The following AP4M1 variants were observed in gnomAD, a reference collection of about 807,000 sequenced individuals.
The protein encoded by AP4M1 is adaptor related protein complex 4 subunit mu 1.
In AP4M1, 58 loss-of-function variants were observed where a neutral mutation model predicts 62.4. That is an observed-to-expected ratio of 0.93 (90% CI 0.75 to 1.16). AP4M1 has a LOEUF of 1.16. AP4M1 is among the 50% of genes most tolerant of loss of function. The pLI, the probability that AP4M1 is intolerant of heterozygous loss-of-function variation, is 0.00. For synonymous variants in AP4M1, 290 were observed against 239.7 expected (o/e 1.21, Z -1.94); for missense variants, 626 against 585.4 (o/e 1.07, Z -0.72).
At chr7:100,106,145 G>A (rs1392776566) in intron 12 of AP4M1, 96 bp from the exon 13 acceptor site, 7 of 1,551,616 alleles carry the variant, frequency 4.5e-6, no homozygotes, top group Non-Finnish European at 5.3e-6. Flanking sequence ...GGAAGGTGGG[G>A]GGCACCTGTG....
rs766556536 is a variant in AP4M1 at position 100,108,509 on chromosome 7, C to T, written c.*1627C>T. ...GGCGTCCTGATTGTCAGGCGGTGGG[C>T]GCAGCTTTGCCAGAACAGGAGCACA... On this transcript the variant is annotated 3_prime_UTR_variant, in exon 15 of 15. Transcript: ENST00000359593. 4.2e-5 allele frequency: 67 copies of T among 1,612,404 alleles called. 1 individual carries two copies. In the South Asian group the frequency reaches 5.7e-4, roughly 14 times the overall value.
At chr7:100,101,391 C>T (rs1796021589), upstream of AP4M1, 4 of 1,541,744 alleles carry the variant, frequency 2.6e-6, no homozygotes, top group African/African-American at 1.4e-5. Flanking sequence ...GCCGGCCAAC[C>T]GAAATTGGCG....
Position 100,108,168 on chromosome 7 carries a change from A to T in AP4M1, c.*1286A>T, listed in dbSNP as rs1384792500. The T allele has an allele frequency of 6.4e-7, 1 of 1,550,480 alleles. No homozygotes were observed. The highest frequency in any genetic ancestry group is 8.7e-7 in the Non-Finnish European group (1 of 1,150,900). Reference sequence around the variant, plus strand: ...GGGGGAAGTGGCACCATCTACTAAGAAGAGGAGTCTGAAGGGAGAGGCCTG... The same window carrying T: ...GGGGGAAGTGGCACCATCTACTAAGTAGAGGAGTCTGAAGGGAGAGGCCTG... On this transcript the variant is annotated 3_prime_UTR_variant, in exon 15 of 15. Coordinates refer to ENST00000359593, the MANE Select transcript of AP4M1 (RefSeq NM_004722.4).
chr7:100,106,164 C>T, intron 12 of AP4M1, 77 bp from the exon 13 acceptor site: 1 of 1,581,958 alleles, frequency 6.3e-7, no homozygotes, highest in Admixed American at 1.7e-5. Context: ...TGCTGAAATC[C>T]TGTTATGACA....
rs1427960062 is a variant in AP4M1, at chr7:100,102,727, T to C, written c.200T>C (p.Val67Ala). 2 of 1,614,124 alleles carry C rather than the reference T, an allele frequency of 1.2e-6. No individual in the cohort carries two copies. Among genetic ancestry groups the C allele is most frequent in the African/African-American group, 1.3e-5 (1 of 75,006 alleles). Reference protein sequence around the residue: ...IHIRHSGLYLVVTTSENVSPF... With the variant: ...IHIRHSGLYLAVTTSENVSPF... ...ATCAGACACAGCGGCCTCTATTTGG[T>C]GGTCACAACTTCAGAAAACGTTTCT... The change falls in exon 3 of 15, where the codon GTG (valine) becomes GCG (alanine). Residue 67 changes from valine (V) to alanine (A), a missense_variant. Val to Ala is a moderately conservative substitution (Grantham distance 64, BLOSUM62 0). Coordinates refer to ENST00000359593, the MANE Select transcript of AP4M1 (RefSeq NM_004722.4).
In AP4M1 at chr7:100,107,432, C is replaced by A; in HGVS notation, c.*550C>A. 6.2e-7 allele frequency: 1 copy of A among 1,611,036 alleles called. No homozygotes were observed. Among genetic ancestry groups the A allele is most frequent in the Non-Finnish European group, 8.5e-7 (1 of 1,177,880 alleles). On this transcript the variant is annotated 3_prime_UTR_variant, in exon 15 of 15. Transcript: ENST00000359593. ...GATGGGAGGTGGGGCCTCCTTTGCC[C>A]TCCCCTGTTGGGGGAAGTGAGACCA...
intron 10 of AP4M1, 30 bp from the exon 11 acceptor site, chr7:100,105,415 A>G: frequency 6.2e-7 from 1 of 1,613,284 alleles, no homozygotes; most frequent in Non-Finnish European, 8.5e-7. Flanking sequence ...CGTGAGACCA[A>G]ACTAACCTTG....
In AP4M1 at chr7:100,107,159, C is replaced by A. The variant is rs1796586472; in HGVS notation, c.*277C>A. The A allele has an allele frequency of 1.3e-6, 2 of 1,495,470 alleles. No individual in the cohort carries two copies. Among genetic ancestry groups the A allele is most frequent in the Non-Finnish European group, 1.8e-6 (2 of 1,120,964 alleles). 92.6% of individuals were successfully genotyped at this position (1,495,470 alleles called of 1,614,324 possible). On this transcript the variant is annotated 3_prime_UTR_variant, in exon 15 of 15. Transcript: ENST00000359593. ...ACATGAAGGAAGCAATCTACAACTT[C>A]CTTCCGCTTAGCGAGCATGCATGTG...
chr7:100,103,827 A>T, intron 6 of AP4M1, 135 bp downstream of exon 6: 1 of 842,602 alleles, frequency 1.2e-6, no homozygotes, highest in Non-Finnish European at 1.9e-6. Context: ...AGATCACCTG[A>T]TGCCAGGAGT....
rs1450171617 is a variant in AP4M1 at position 100,107,861 on chromosome 7, C to T, written c.*979C>T. 3.3e-6 allele frequency: 5 copies of T among 1,532,448 alleles called. No homozygotes were observed. Among genetic ancestry groups the T allele is most frequent in the Non-Finnish European group, 4.4e-6 (5 of 1,134,390 alleles). The allele number at this position is 1,532,448 out of a possible 1,614,324, so 94.9% of individuals were successfully genotyped here. ...AGGGGACTGTGCTCTACTCCTGGGC[C>T]TCCCCAGGGTGCTCTGAGGTAACCC... On this transcript the variant is annotated 3_prime_UTR_variant, in exon 15 of 15. Coordinates refer to ENST00000359593, the MANE Select transcript of AP4M1 (RefSeq NM_004722.4).
chr7:100,101,881 C>G lies in AP4M1; in HGVS notation c.60C>G (p.Phe20Leu), dbSNP rs765096117. 2 of 1,613,378 alleles carry G rather than the reference C, an allele frequency of 1.2e-6. No homozygotes were observed. Among genetic ancestry groups the G allele is most frequent in the Non-Finnish European group, 1.7e-6 (2 of 1,179,966 alleles). ...TCACTGAGTCCTTCCACCCGCCAGTCCGCGGGGACAGTGGCGGCCGGGATG... is the reference window on the plus strand; with the variant it reads ...TCACTGAGTCCTTCCACCCGCCAGTGCGCGGGGACAGTGGCGGCCGGGATG... Reference protein sequence around the residue: ...SKGDPLIYKDFRGDSGGRDVA... With the variant: ...SKGDPLIYKDLRGDSGGRDVA... The change falls in exon 2 of 15, where the codon TTC becomes TTG. Residue 20 changes from phenylalanine (F) to leucine (L), a missense_variant and splice_region_variant. By Grantham distance (22) the Phe-to-Leu change is conservative. Transcript: ENST00000359593.
At chr7:100,104,218 G>C (rs1796288153) in intron 7 of AP4M1, 64 bp downstream of exon 7, 1 of 1,440,846 alleles carries the variant, frequency 6.9e-7, no homozygotes, top group Non-Finnish European at 9.8e-7. Flanking sequence ...TGGTGGGGTG[G>C]CTAAGACTCC....
chr7:100,103,887 C>CAAA lies in AP4M1; in HGVS notation c.544-188_544-186dup, dbSNP rs10671291. 4.5e-3 allele frequency among the ~76,000 whole-genome samples: 414 copies of CAAA among 91,936 alleles called. 4 individuals carry two copies. Among genetic ancestry groups the CAAA allele is most frequent in the South Asian group, 0.023 (63 of 2,692 alleles). The allele number at this position is 91,936 out of a possible 152,430, so 60.3% of individuals were successfully genotyped here. Reference sequence around the variant, plus strand: ...TGAAAACCTGTCTCTACTAAAAATGCAAAAAAAAAAAAAAAAAAAGAAAAA... The same window carrying CAAA: ...TGAAAACCTGTCTCTACTAAAAATGCAAAAAAAAAAAAAAAAAAAAAAGAAAAA... On this transcript the variant is annotated intron_variant, in intron 6 of 14. Transcript: ENST00000359593.
At chr7:100,104,021 TCTCC>T (rs1324918702) in intron 6 of AP4M1, 67 bp from the exon 7 acceptor site, 6 of 1,392,956 alleles carry the variant, frequency 4.3e-6, no homozygotes, top group African/African-American at 1.4e-5. Flanking sequence ...TCCTGTTCTT[TCTCC>T]CTGTCTGTCC....
At chr7:100,102,533 C>A (rs1248227398) in intron 2 of AP4M1, 142 bp from the exon 3 acceptor site, 7 of 736,870 alleles carry the variant, frequency 9.5e-6, no homozygotes, top group Non-Finnish European at 4.8e-6. Context: ...GGAAGCTGGG[C>A]CCAGGCATAT....
At chr7:100,103,581 C>G (rs752773611) in intron 5 of AP4M1, 31 bp from the exon 6 acceptor site, 1 of 1,613,830 alleles carries the variant, frequency 6.2e-7, no homozygotes, top group Non-Finnish European at 8.5e-7. Flanking sequence ...GTTGTCAGAC[C>G]TGATGATTGA....
chr7:100,105,442 C>T lies in AP4M1; in HGVS notation c.835-3C>T, dbSNP rs1796384800. On this transcript the variant is annotated splice_polypyrimidine_tract_variant and splice_region_variant and intron_variant, in intron 10 of 14. Coordinates refer to ENST00000359593, the MANE Select transcript of AP4M1 (RefSeq NM_004722.4). ...CTAACCTTGTTGCTCTCTGGTCTCTCAGCTGACTGTGATGCGGTACCAACT... is the reference window on the plus strand; with the variant it reads ...CTAACCTTGTTGCTCTCTGGTCTCTTAGCTGACTGTGATGCGGTACCAACT... The T allele has an allele frequency of 6.2e-7, 1 of 1,613,924 alleles. No individual in the cohort carries two copies. Among genetic ancestry groups the T allele is most frequent in the Non-Finnish European group, 8.5e-7 (1 of 1,179,942 alleles).
rs999886 is a variant in AP4M1, at chr7:100,103,241, A to G, written c.352-168A>G. 427,258 of 711,980 alleles carry G rather than the reference A, an allele frequency of 0.6. 130,700 individuals are homozygous for G. The highest frequency in any genetic ancestry group is 0.86 in the East Asian group (31,984 of 37,084). 44.1% of individuals were successfully genotyped at this position (711,980 alleles called of 1,614,324 possible). On this transcript the variant is annotated intron_variant, in intron 4 of 14. Transcript: ENST00000359593. ...TATTTTTTGTAGAGACTAGAGTCTC[A>G]CTGTGTTGCCCAGGCTGGTCTTGAA...
intron 11 of AP4M1, 78 bp downstream of exon 11, chr7:100,105,617 G>C: frequency 1.4e-6 from 2 of 1,394,688 alleles, no homozygotes; most frequent in Non-Finnish European, 2.0e-6. Flanking sequence ...TCACTGCAGA[G>C]TGGGGGTGGT....
Sources: gnomAD v4.1 joint callset for allele counts (sites outside exome capture counted in the v4.1 genomes callset) on GRCh38, gnomAD v4.1.1 for gene constraint, MANE v1.5 for transcripts, NCBI Gene and HGNC (gene_info 2026-07-23, HGNC 2026-07-21) for gene names.